Variants in TCP11L2 observed in about 807,000 individuals in gnomAD.
TCP11L2 encodes the protein T-complex protein 11-like protein 2.
In TCP11L2, 39 loss-of-function variants were observed where a neutral mutation model predicts 50.7. The observed-to-expected ratio is 0.77, with a 90% CI of 0.60 to 1.01. The LOEUF (loss-of-function observed/expected upper bound fraction) is 1.01, where lower values mean the gene tolerates loss of function less well. TCP11L2 is among the 50% of genes least tolerant of loss of function. The pLI, the probability that TCP11L2 is intolerant of heterozygous loss-of-function variation, is 0.00. For synonymous variants in TCP11L2, 192 were observed against 219.3 expected, an observed-to-expected ratio of 0.88 and a Z score of 1.10; for missense variants, 612 against 614.7, an observed-to-expected ratio of 1.00 and a Z score of 0.05.
At chr12:106,312,255 CCATT>C (rs2034884320) in intron 2 of TCP11L2, 4 of 310,260 alleles carry the variant, frequency 1.3e-5, no homozygotes, top group Non-Finnish European at 2.3e-5. Flanking sequence ...CATTTAGTTT[CCATT>C]TTTTTTTTTT....
chr12:106,342,733 T>G (rs954950732), intron 9 of TCP11L2, among the ~76,000 whole-genome samples: 2 of 152,190 alleles, frequency 1.3e-5, no homozygotes, highest in Non-Finnish European at 2.9e-5. Flanking sequence ...CATAACAAGC[T>G]GGGGGCAGAG....
At chr12:106,318,734 G>T (rs1315625000) in intron 4 of TCP11L2, among the ~76,000 whole-genome samples, 1 of 152,116 alleles carries the variant, frequency 6.6e-6, no homozygotes, top group Non-Finnish European at 1.5e-5. Flanking sequence ...GTTTTGAGAC[G>T]GAGTCTCGCT....
rs570852538 is a variant in TCP11L2, at chr12:106,308,586, G to A, written c.-35-2455G>A. 3.9e-4 allele frequency among the ~76,000 whole-genome samples: 60 copies of A among 152,328 alleles called. 1 individual carries two copies. The highest frequency in any genetic ancestry group is 1.3e-3 in the African/African-American group (54 of 41,572). On this transcript the variant is annotated intron_variant, in intron 1 of 9. Coordinates refer to ENST00000299045, the MANE Select transcript of TCP11L2 (RefSeq NM_152772.3). ...CAACCGAAGTAGAGAAAAATTAAGA[G>A]CAGAGCATGCATAGCACAGCGGTTA...
chr12:106,314,219 A>G (rs1278229841), intron 2 of TCP11L2, 139 bp from the exon 3 acceptor site: 7 of 761,670 alleles, frequency 9.2e-6, no homozygotes, highest in Non-Finnish European at 1.4e-5. Flanking sequence ...GAATTCACCT[A>G]TTTTAATATA....
In TCP11L2 at chr12:106,314,393, G is replaced by A. The variant is rs1170863470; in HGVS notation, c.193G>A (p.Val65Met). 2 of 1,612,762 alleles carry A rather than the reference G, an allele frequency of 1.2e-6. No homozygotes were observed. Among genetic ancestry groups the A allele is most frequent in the Non-Finnish European group, 1.7e-6 (2 of 1,178,898 alleles). Reference sequence around the variant, plus strand: ...TCCAAGGGTTGTAACATTTGATGAAGTGATGGCTACAGCAAGGAACTTATC... The same window carrying A: ...TCCAAGGGTTGTAACATTTGATGAAATGATGGCTACAGCAAGGAACTTATC... Reference protein sequence around the residue: ...SPPRVVTFDEVMATARNLSNL... With the variant: ...SPPRVVTFDEMMATARNLSNL... Residue 65 changes from valine (V) to methionine (M), a missense_variant, in exon 3 of 10, where the codon GTG (valine) becomes ATG (methionine). Physicochemically the swap from Val to Met is conservative, Grantham distance 21. Transcript: ENST00000299045.
At chr12:106,343,661 T>A (rs2036153356) in intron 9 of TCP11L2, among the ~76,000 whole-genome samples, 1 of 80,096 alleles carries the variant, frequency 1.2e-5, no homozygotes, top group Admixed American at 1.2e-4. Context: ...TACGTCTACT[T>A]TTTTTTTTTT....
At chr12:106,299,817 A>G (rs1278414780), upstream of TCP11L2, among the ~76,000 whole-genome samples, 2 of 152,220 alleles carry the variant, frequency 1.3e-5, no homozygotes, top group Non-Finnish European at 2.9e-5. Context: ...ATGCAACTCC[A>G]CTAGAAAAGT....
At chr12:106,312,184 G>A in intron 2 of TCP11L2, 5 of 372,542 alleles carry the variant, frequency 1.3e-5, no homozygotes, top group South Asian at 1.0e-4. Context: ...TTGGTTTTAT[G>A]AATACTTATT....
At chr12:106,305,431 A>G (rs1338962349) in intron 1 of TCP11L2, among the ~76,000 whole-genome samples, 1 of 152,194 alleles carries the variant, frequency 6.6e-6, no homozygotes, top group Non-Finnish European at 1.5e-5. Flanking sequence ...AAATGCACTG[A>G]AGTAGGCACT....
At chr12:106,328,645 T>C (rs1325036156) in intron 6 of TCP11L2, among the ~76,000 whole-genome samples, 1 of 152,248 alleles carries the variant, frequency 6.6e-6, no homozygotes, top group Non-Finnish European at 1.5e-5. Context: ...TTTTTCAGCC[T>C]TCTTTGAATT....
chr12:106,308,852 G>A (rs888340442), intron 1 of TCP11L2, among the ~76,000 whole-genome samples: 1 of 152,208 alleles, frequency 6.6e-6, no homozygotes, highest in Non-Finnish European at 1.5e-5. Context: ...CAGGGATTCT[G>A]ATTTAGCTGA....
At chr12:106,330,166 G>A (rs1258824177) in intron 6 of TCP11L2, 1 of 985,288 alleles carries the variant, frequency 1.0e-6, no homozygotes, top group African/African-American at 1.7e-5. Flanking sequence ...TTTGTCCTAA[G>A]GCAGACAGCC....
intron 1 of TCP11L2, among the ~76,000 whole-genome samples, chr12:106,309,019 G>A (rs2034745433): frequency 6.6e-6 from 1 of 152,208 alleles, no homozygotes; most frequent in African/African-American, 2.4e-5. Context: ...GAGACGCGCT[G>A]CAGACATACC....
In TCP11L2 at chr12:106,336,034, A is replaced by G. The variant is rs753841279; in HGVS notation, c.963A>G (p.Thr321=). 1 of 1,603,940 alleles carries G rather than the reference A, an allele frequency of 6.2e-7. No homozygotes were observed. The highest frequency in any genetic ancestry group is 8.5e-7 in the Non-Finnish European group (1 of 1,176,764). The change falls in exon 8 of 10, where the codon ACA becomes ACG. Residue 321 remains threonine, a splice_region_variant and synonymous_variant. Transcript: ENST00000299045. ...WDYQKKELPE[T]LMTDGARLQE... is the part of the protein sequence containing the mutation. ...TATATTTTAAATAAATATGTTAGAC[A>G]CTTATGACAGATGGAGCACGTCTTC...
chr12:106,329,448 C>T lies in TCP11L2; in HGVS notation c.772+5802C>T, dbSNP rs750306915. The stretch of plus-strand genomic sequence containing the variant: ...TGCCGATCCCTAAGAGAAGAGCCAA[C>T]GTTTCACTCTAAACGCATGCTCCTT... On this transcript the variant is annotated intron_variant, in intron 6 of 9. Coordinates refer to ENST00000299045, the MANE Select transcript of TCP11L2 (RefSeq NM_152772.3). The T allele has an allele frequency of 1.8e-4, 273 of 1,533,626 alleles. 1 individual carries two copies. Among genetic ancestry groups the T allele is most frequent in the Middle Eastern group, 1.1e-3 (6 of 5,260 alleles).
In TCP11L2 at chr12:106,346,309, A is replaced by C; in HGVS notation, c.1339A>C (p.Arg447=). 1 of 1,611,838 alleles carries C rather than the reference A, an allele frequency of 6.2e-7. No homozygotes were observed. Among genetic ancestry groups the C allele is most frequent in the Non-Finnish European group, 8.5e-7 (1 of 1,178,590 alleles). The change falls in exon 10 of 10, where the codon AGA becomes CGA. Residue 447 remains arginine, a synonymous_variant. Transcript: ENST00000299045. The part of the protein sequence containing the change: ...LIDKRIKLYM[R]RLLCLPSPQK... The stretch of plus-strand genomic sequence containing the variant: ...AGATAAACGAATTAAGCTTTACATG[A>C]GAAGGCTACTTTGTCTTCCAAGCCC...
At chr12:106,310,724 G>A (rs1030836477) in intron 1 of TCP11L2, among the ~76,000 whole-genome samples, 1 of 152,192 alleles carries the variant, frequency 6.6e-6, no homozygotes, top group African/African-American at 2.4e-5. Context: ...TCATGTTTCA[G>A]CAACCCAGGA....
chr12:106,344,388 A>C (rs1249352516), intron 9 of TCP11L2, among the ~76,000 whole-genome samples: 8 of 152,332 alleles, frequency 5.3e-5, no homozygotes, highest in Admixed American at 2.0e-4. Flanking sequence ...TCCACTGTCC[A>C]AGAAGGGAGA....
intron 1 of TCP11L2, among the ~76,000 whole-genome samples, chr12:106,309,196 T>C (rs1394751321): frequency 6.6e-6 from 1 of 152,190 alleles, no homozygotes; most frequent in East Asian, 1.9e-4. Context: ...AGTGAAAGGT[T>C]TGAAGTAGCC....
Sources: allele counts gnomAD v4.1 joint callset (sites outside exome capture counted in the v4.1 genomes callset), GRCh38; gene constraint gnomAD v4.1.1; transcripts MANE v1.5; gene names NCBI Gene and HGNC (gene_info 2026-07-23, HGNC 2026-07-21).